The following DTNB variants were observed in gnomAD, a reference collection of about 807,000 sequenced individuals.
DTNB encodes dystrobrevin beta, also known as DTN-B.
DTNB carries 63 observed loss-of-function variants against 90.7 expected under a neutral mutation model. The observed-to-expected ratio is 0.69, with a 90% CI of 0.57 to 0.86. The LOEUF is 0.86. Ranked by LOEUF, DTNB falls within the 40% of genes least tolerant of loss-of-function variation. DTNB has a pLI of 0.00. For missense variants in DTNB, 744 were observed against 807.1 expected (o/e 0.92, Z 0.95); for synonymous variants, 277 against 286.7 (o/e 0.97, Z 0.34).
intron 9 of DTNB, among the ~76,000 whole-genome samples, chr2:25,485,201 G>T (rs2065875219): frequency 6.6e-6 from 1 of 151,992 alleles, no homozygotes; most frequent in Non-Finnish European, 1.5e-5. Context: ...TAGAGACAAG[G>T]TCTCACTATG....
chr2:25,540,749 C>G (rs916039860), intron 8 of DTNB, among the ~76,000 whole-genome samples: 4 of 152,018 alleles, frequency 2.6e-5, no homozygotes, highest in African/African-American at 9.7e-5. Context: ...TACCCCCAAC[C>G]CTGTGCTCTC....
At position 25,596,630 on chromosome 2, in the gene DTNB, T is replaced by C. The variant is rs570603178; in HGVS notation, c.449-390A>G. On this transcript the variant is annotated intron_variant, in intron 5 of 20. Coordinates refer to ENST00000406818, the MANE Select transcript of DTNB (RefSeq NM_021907.5). ...GTGTTTATATAAGACATATGCATGA[T>C]TGAGTATATAAATACATTAGCATCT... Among the ~76,000 whole-genome samples, 6 of 152,320 alleles carry C rather than the reference T, an allele frequency of 3.9e-5. No homozygotes were observed. In the South Asian group the frequency reaches 1.2e-3, roughly 32 times the overall value.
At chr2:25,446,199 G>GT (rs1455575601) in intron 12 of DTNB, among the ~76,000 whole-genome samples, 1 of 151,908 alleles carries the variant, frequency 6.6e-6, no homozygotes, top group Non-Finnish European at 1.5e-5. Flanking sequence ...AATTCTTAAG[G>GT]TTTTTTCACA....
intron 2 of DTNB, among the ~76,000 whole-genome samples, chr2:25,650,856 G>A (rs992290044): frequency 1.3e-5 from 2 of 152,104 alleles, no homozygotes; most frequent in South Asian, 4.1e-4. Context: ...AGCTACTCAC[G>A]AGGCTGAAGC....
chr2:25,491,407 C>A (rs2067434555), intron 9 of DTNB, among the ~76,000 whole-genome samples: 1 of 152,098 alleles, frequency 6.6e-6, no homozygotes, highest in South Asian at 2.1e-4. Context: ...GATATTTTTA[C>A]TATTATATTT....
chr2:25,580,319 G>A (rs962464042), intron 7 of DTNB, among the ~76,000 whole-genome samples: 4 of 151,704 alleles, frequency 2.6e-5, no homozygotes, highest in African/African-American at 7.3e-5. Context: ...AAGTCTCTGC[G>A]AGATCAGCCT....
At chr2:25,413,858 G>A (rs1402746601) in intron 16 of DTNB, among the ~76,000 whole-genome samples, 20 of 152,178 alleles carry the variant, frequency 1.3e-4, no homozygotes, top group Admixed American at 5.2e-4. Context: ...TTGCCACACC[G>A]TCTTCCACAA....
chr2:25,387,504 C>T lies in DTNB; in HGVS notation c.1736-126G>A, dbSNP rs373541053. The T allele has an allele frequency of 3.0e-5, 24 of 803,472 alleles. No homozygotes were observed. The East Asian group carries it at 4.1e-4, about 14-fold the overall frequency. The allele number at this position is 803,472 out of a possible 1,614,324, so 49.8% of individuals were successfully genotyped here. The stretch of plus-strand genomic sequence containing the variant: ...GTGGAACACCTAAGGGGAGATGGGG[C>T]CACAGCAGCTCCACCCATTCCCAGG... On this transcript the variant is annotated intron_variant, in intron 17 of 20. Transcript: ENST00000406818. The surrounding 1 kb of genome is among the most constrained non-coding windows in gnomAD (Gnocchi z 4.5).
intron 4 of DTNB, among the ~76,000 whole-genome samples, chr2:25,611,433 C>A (rs947684282): frequency 6.6e-6 from 1 of 152,142 alleles, no homozygotes; most frequent in Non-Finnish European, 1.5e-5. Flanking sequence ...ATACAATCAG[C>A]CCTCAGTATT....
intron 12 of DTNB, among the ~76,000 whole-genome samples, chr2:25,449,238 C>CAT (rs1210174276): frequency 1.3e-5 from 2 of 152,172 alleles, no homozygotes; most frequent in Non-Finnish European, 2.9e-5. Context: ...TTTATCTATT[C>CAT]TGTTGATAAC....
At chr2:25,628,563 G>A (rs983996228) in intron 3 of DTNB, among the ~76,000 whole-genome samples, 179 bp from the exon 4 acceptor site, 1 of 152,124 alleles carries the variant, frequency 6.6e-6, no homozygotes, top group African/African-American at 2.4e-5. Context: ...ACATCAAGGA[G>A]CCACCACAGC....
chr2:25,387,329 G>A lies in DTNB; in HGVS notation c.1785C>T (p.Ile595=). ...TCACCAGGGATGACATGGTGTTGGT[G>A]ATGGAGTCAGCTGCCACCAGCAGGT... ...RNDLLVAADS[I]TNTMSSLVKE... Residue 595 remains isoleucine (I), a synonymous_variant, in exon 18 of 21, where the codon ATC becomes ATT. Transcript: ENST00000406818. The surrounding 1 kb of genome is among the most constrained non-coding windows in gnomAD (Gnocchi z 4.5). 2 of 1,611,894 alleles carry A rather than the reference G, an allele frequency of 1.2e-6. No homozygotes were observed. The highest frequency in any genetic ancestry group is 2.2e-5 in the East Asian group (1 of 44,888).
At chr2:25,594,033 G>T (rs1200172129) in intron 6 of DTNB, among the ~76,000 whole-genome samples, 1 of 152,210 alleles carries the variant, frequency 6.6e-6, no homozygotes, top group Non-Finnish European at 1.5e-5. Context: ...GGAAGGTGAT[G>T]ATACCTCCAA....
At chr2:25,595,680 C>T (rs1007964418) in intron 6 of DTNB, among the ~76,000 whole-genome samples, 21 of 152,038 alleles carry the variant, frequency 1.4e-4, no homozygotes, top group South Asian at 2.1e-4. Flanking sequence ...TTTATGCTGG[C>T]GAGTGAGAGC....
chr2:25,523,126 A>G (rs923612026), intron 9 of DTNB, among the ~76,000 whole-genome samples: 4 of 152,324 alleles, frequency 2.6e-5, no homozygotes, highest in East Asian at 1.9e-4. Flanking sequence ...TTAACCTTCA[A>G]TTAAAAGGAT....
intron 10 of DTNB, among the ~76,000 whole-genome samples, chr2:25,479,731 A>T (rs945629536): frequency 1.3e-5 from 2 of 152,210 alleles, no homozygotes; most frequent in African/African-American, 4.8e-5. Flanking sequence ...CACTGTGATT[A>T]TCACTATTTT....
intron 10 of DTNB, among the ~76,000 whole-genome samples, chr2:25,467,909 C>T (rs2062087427): frequency 1.3e-5 from 2 of 152,002 alleles, no homozygotes; most frequent in African/African-American, 4.8e-5. Context: ...AAGTATGTTC[C>T]AATAAAACTT....
intron 16 of DTNB, among the ~76,000 whole-genome samples, chr2:25,394,220 T>A (rs1192926415): frequency 2.0e-5 from 3 of 152,228 alleles, no homozygotes; most frequent in South Asian, 4.2e-4. Flanking sequence ...GATCCTCATC[T>A]CTCACCTTAT....
intron 6 of DTNB, 39 bp downstream of exon 6, chr2:25,596,047 G>A (rs2064544643): frequency 6.6e-7 from 1 of 1,513,908 alleles, no homozygotes; most frequent in African/African-American, 1.4e-5. Flanking sequence ...GGAGGGAAGA[G>A]CGCTCTTCTA....
Sources: gnomAD v4.1 joint callset for allele counts (sites outside exome capture counted in the v4.1 genomes callset) on GRCh38, gnomAD v4.1.1 for gene constraint, Gnocchi (gnomAD v3.1) non-coding constraint, MANE v1.5 for transcripts, NCBI Gene and HGNC (gene_info 2026-07-23, HGNC 2026-07-21) for gene names.